TOP6BL: variants seen among roughly 807,000 people sequenced by gnomAD.
The protein encoded by TOP6BL is TOP6B like initiator of meiotic double strand breaks.
the TOP6BL span, among the ~76,000 whole-genome samples, chr11:66,749,280 A>G: frequency 2.0e-5 from 3 of 152,200 alleles, no homozygotes; most frequent in African/African-American, 4.8e-5. Flanking sequence ...CTTACTCTGC[A>G]TGAACTGCAC....
the TOP6BL span, among the ~76,000 whole-genome samples, chr11:66,745,683 G>A: frequency 6.6e-6 from 1 of 152,232 alleles, no homozygotes; most frequent in Non-Finnish European, 1.5e-5. Flanking sequence ...GAAGGCGGCG[G>A]GATTCCATTT....
At chr11:66,816,524 G>A in the TOP6BL span, among the ~76,000 whole-genome samples, 1 of 152,146 alleles carries the variant, frequency 6.6e-6, no homozygotes, top group African/African-American at 2.4e-5. Context: ...CAGAGATTCT[G>A]ATTTCCAGAT....
At chr11:66,809,929 A>C in the TOP6BL span, among the ~76,000 whole-genome samples, 2 of 152,140 alleles carry the variant, frequency 1.3e-5, no homozygotes, top group African/African-American at 2.4e-5. Flanking sequence ...TTCCAAATTT[A>C]ATGAAAACTA....
chr11:66,787,651 C>T, the TOP6BL span, among the ~76,000 whole-genome samples: 1 of 147,940 alleles, frequency 6.8e-6, no homozygotes, highest in South Asian at 2.2e-4. Flanking sequence ...ACCCAGGAGG[C>T]GGATGTTGCA....
the TOP6BL span, among the ~76,000 whole-genome samples, chr11:66,812,823 A>G: frequency 6.6e-6 from 1 of 152,110 alleles, no homozygotes; most frequent in African/African-American, 2.4e-5. Flanking sequence ...TGGAGGGGGT[A>G]ACGTAAGAAG....
chr11:66,762,410 A>G, the TOP6BL span: 4 of 337,424 alleles, frequency 1.2e-5, no homozygotes, highest in Admixed American at 9.9e-5. Flanking sequence ...GGCGGAGAGG[A>G]CTGCGAACAT....
the TOP6BL span, among the ~76,000 whole-genome samples, chr11:66,770,941 C>T: frequency 1.7e-4 from 26 of 152,112 alleles, no homozygotes; most frequent in East Asian, 9.7e-4. Context: ...TCCAAGCTGC[C>T]AAGTGTTACT....
the TOP6BL span, among the ~76,000 whole-genome samples, chr11:66,788,489 G>A: frequency 4.5e-4 from 69 of 152,248 alleles, 1 homozygote; most frequent in East Asian, 0.013. Context: ...TAATTGGTCT[G>A]GGTGTTGTAA....
the TOP6BL span, among the ~76,000 whole-genome samples, chr11:66,770,986 A>G: frequency 1.3e-5 from 2 of 152,124 alleles, no homozygotes; most frequent in African/African-American, 4.8e-5. Context: ...TGGGTACGCT[A>G]TAAATTTAAG....
chr11:66,816,389 T>C, the TOP6BL span, among the ~76,000 whole-genome samples: 1 of 152,212 alleles, frequency 6.6e-6, no homozygotes, highest in Non-Finnish European at 1.5e-5. Context: ...GCTTAAATGA[T>C]GACATTTCTA....
the TOP6BL span, among the ~76,000 whole-genome samples, chr11:66,798,356 T>C: frequency 6.6e-6 from 1 of 151,886 alleles, no homozygotes; most frequent in African/African-American, 2.4e-5. Context: ...TCCCAGCACT[T>C]TGGGAGGCCG....
the TOP6BL span, chr11:66,816,223 C>A: frequency 1.3e-6 from 2 of 1,592,372 alleles, no homozygotes; most frequent in Non-Finnish European, 1.7e-6. Context: ...AATGGGGTTG[C>A]CAGCTGGGGT....
At chr11:66,776,316 C>T in the TOP6BL span, among the ~76,000 whole-genome samples, 4 of 152,080 alleles carry the variant, frequency 2.6e-5, no homozygotes, top group East Asian at 7.8e-4. Context: ...GCCTCGGCCT[C>T]CCAAAGTGCT....
chr11:66,827,056 A>G, the TOP6BL span, among the ~76,000 whole-genome samples: 7 of 142,206 alleles, frequency 4.9e-5, no homozygotes, highest in African/African-American at 1.9e-4. Flanking sequence ...ATCTCGGCTC[A>G]CCACAACCTC....
At chr11:66,843,190 G>C in the TOP6BL span, 7 of 1,611,030 alleles carry the variant, frequency 4.3e-6, no homozygotes, top group South Asian at 1.1e-5. Context: ...GCTGCAGGAG[G>C]TCTCCAACCT....
chr11:66,826,500 T>C, the TOP6BL span, among the ~76,000 whole-genome samples: 1 of 152,202 alleles, frequency 6.6e-6, no homozygotes, highest in African/African-American at 2.4e-5. Context: ...TGAGTCAAAG[T>C]GTATAACACA....
At chr11:66,783,497 G>T in the TOP6BL span, among the ~76,000 whole-genome samples, 7 of 151,868 alleles carry the variant, frequency 4.6e-5, no homozygotes, top group African/African-American at 1.5e-4. Flanking sequence ...TAACTCATGG[G>T]TTTTTTTTGC....
At chr11:66,749,103 T>C in the TOP6BL span, among the ~76,000 whole-genome samples, 1 of 152,016 alleles carries the variant, frequency 6.6e-6, no homozygotes, top group Admixed American at 6.6e-5. Context: ...GTACTTTGGA[T>C]TGAAGTTGCC....
chr11:66,783,204 T>A, the TOP6BL span, among the ~76,000 whole-genome samples: 1 of 152,038 alleles, frequency 6.6e-6, no homozygotes, highest in Non-Finnish European at 1.5e-5. Context: ...CAGTTTAATA[T>A]AAAGAAAAAA....
Sources: gnomAD v4.1 joint callset for allele counts (sites outside exome capture counted in the v4.1 genomes callset) on GRCh38, gnomAD v4.1.1 for gene constraint, MANE v1.5 for transcripts, NCBI Gene and HGNC (gene_info 2026-07-23, HGNC 2026-07-21) for gene names.